RXYLT1: variants seen among roughly 807,000 people sequenced by gnomAD.
The protein encoded by RXYLT1 is ribitol xylosyltransferase 1, also known as ribitol-5-phosphate xylosyltransferase 1.
RXYLT1 carries 41 observed loss-of-function variants against 43.5 expected under a neutral mutation model. The observed-to-expected ratio is 0.94, with a 90% CI of 0.73 to 1.22. The LOEUF (loss-of-function observed/expected upper bound fraction) is 1.22, where lower values mean the gene tolerates loss of function less well. Among genes scored for constraint, RXYLT1 ranks in the 50% most tolerant of loss-of-function variants. The pLI is 0.00. For synonymous variants in RXYLT1, 166 were observed against 194.4 expected, an observed-to-expected ratio of 0.85 and a Z score of 1.21; for missense variants, 514 against 532.0, an observed-to-expected ratio of 0.97 and a Z score of 0.33.
At chr12:63,792,998 C>T (rs1897951702) in intron 3 of RXYLT1, among the ~76,000 whole-genome samples, 1 of 152,192 alleles carries the variant, frequency 6.6e-6, no homozygotes, top group South Asian at 2.1e-4. Context: ...CCTCTAACTC[C>T]TGGGCTCAAG....
intron 3 of RXYLT1, among the ~76,000 whole-genome samples, chr12:63,789,555 CTG>C (rs1372514624): frequency 1.3e-5 from 2 of 152,124 alleles, no homozygotes; most frequent in African/African-American, 4.8e-5. Context: ...AATTGCTTGA[CTG>C]GGGATCACCA....
intron 2 of RXYLT1, chr12:63,782,678 C>T: frequency 2.2e-6 from 1 of 454,676 alleles, no homozygotes; most frequent in South Asian, 1.6e-5. Context: ...CCATTTCTGG[C>T]TTCTGCTGAG....
chr12:63,791,650 C>G (rs1897921593), intron 3 of RXYLT1, among the ~76,000 whole-genome samples: 1 of 152,106 alleles, frequency 6.6e-6, no homozygotes, highest in Admixed American at 6.5e-5. Context: ...TAAACAAAGA[C>G]AAAACAGTAT....
chr12:63,808,880 C>A lies in RXYLT1; in HGVS notation c.1120C>A (p.Gln374Lys). 1 of 1,614,154 alleles carries A rather than the reference C, an allele frequency of 6.2e-7. No individual in the cohort carries two copies. The highest frequency in any genetic ancestry group is 8.5e-7 in the Non-Finnish European group (1 of 1,180,038). Residue 374 changes from glutamine (Q) to lysine (K), a missense_variant, in exon 6 of 6, where the codon CAG (glutamine) becomes AAG (lysine). By Grantham distance (53) the Gln-to-Lys change is moderately conservative. Coordinates refer to ENST00000261234, the MANE Select transcript of RXYLT1 (RefSeq NM_014254.3). ...NTSVHHGAPL[Q>K]LLKSMGAPFI... ...ATCTGTGCACCACGGTGCTCCTCTG[C>A]AGTTACTCAAGTCCATGGGTGCTCC...
intron 5 of RXYLT1, chr12:63,807,410 C>T (rs958721882): frequency 2.0e-5 from 3 of 152,182 alleles, no homozygotes; most frequent in Admixed American, 2.0e-4. Flanking sequence ...CCTCAGGTGC[C>T]CAGCAGTCTT....
At chr12:63,808,555 A>G (rs1424139198) in intron 5 of RXYLT1, 120 bp from the exon 6 acceptor site, 2 of 1,116,682 alleles carry the variant, frequency 1.8e-6, no homozygotes, top group East Asian at 2.6e-5. Flanking sequence ...TCTTATGCCT[A>G]TCATCTCTAT....
chr12:63,808,612 T>A lies in RXYLT1; in HGVS notation c.915-63T>A. On this transcript the variant is annotated intron_variant, in intron 5 of 5. Transcript: ENST00000261234. Reference sequence around the variant, plus strand: ...ACTGATTTTATTAAAAGATAAGGTATTTTTGTTCACAAACTATATACTTAG... The same window carrying A: ...ACTGATTTTATTAAAAGATAAGGTAATTTTGTTCACAAACTATATACTTAG... 8 of 1,530,788 alleles carry A rather than the reference T, an allele frequency of 5.2e-6. No individual in the cohort carries two copies. In the South Asian group the frequency reaches 1.0e-4, roughly 19 times the overall value. 94.8% of individuals were successfully genotyped at this position (1,530,788 alleles called of 1,614,324 possible).
chr12:63,799,302 C>CTTTTTTTTTTTTTTTTTTTTTT (rs11312130), intron 3 of RXYLT1, among the ~76,000 whole-genome samples: 14 of 71,616 alleles, frequency 2.0e-4, no homozygotes, highest in Admixed American at 3.4e-4. Flanking sequence ...CTTTTCTTTT[C>CTTTTTTTTTTTTTTTTTTTTTT]TTTTTTTTTT....
intron 3 of RXYLT1, among the ~76,000 whole-genome samples, chr12:63,792,528 A>C (rs1429033662): frequency 2.0e-5 from 3 of 152,246 alleles, no homozygotes; most frequent in Non-Finnish European, 4.4e-5. Flanking sequence ...AGCCTGGCAG[A>C]GTAAACACTG....
Position 63,805,417 on chromosome 12 carries a change from C to T in RXYLT1, c.914+13C>T. 6.4e-7 allele frequency: 1 copy of T among 1,557,882 alleles called. No individual in the cohort carries two copies. The highest frequency in any genetic ancestry group is 8.6e-7 in the Non-Finnish European group (1 of 1,156,240). On this transcript the variant is annotated intron_variant, in intron 5 of 5. Coordinates refer to ENST00000261234, the MANE Select transcript of RXYLT1 (RefSeq NM_014254.3). ...CAGCAAGAGAACAGTAAGTTCTATG[C>T]TTATTTAATTCATTCATTTTGTTCT...
At chr12:63,793,553 C>T (rs572743039) in intron 3 of RXYLT1, among the ~76,000 whole-genome samples, 3 of 152,116 alleles carry the variant, frequency 2.0e-5, no homozygotes, top group Admixed American at 6.5e-5. Flanking sequence ...CTTTTTCTCC[C>T]CTAAATTAAT....
At chr12:63,791,775 T>G (rs987841951) in intron 3 of RXYLT1, among the ~76,000 whole-genome samples, 1 of 152,246 alleles carries the variant, frequency 6.6e-6, no homozygotes, top group Non-Finnish European at 1.5e-5. Context: ...TCTATACACT[T>G]AATAACTTTT....
chr12:63,800,900 AAC>A (rs1047207376), intron 3 of RXYLT1, among the ~76,000 whole-genome samples: 8 of 151,896 alleles, frequency 5.3e-5, no homozygotes, highest in Admixed American at 3.9e-4. Flanking sequence ...CAGCCTGAGC[AAC>A]AGACTGAGAC....
intron 3 of RXYLT1, among the ~76,000 whole-genome samples, chr12:63,801,490 C>A (rs1898157931): frequency 6.6e-6 from 1 of 152,048 alleles, no homozygotes; most frequent in Admixed American, 6.6e-5. Context: ...AGTTTAAATT[C>A]TAGCCAGCAT....
At chr12:63,792,089 T>G (rs1179826963) in intron 3 of RXYLT1, among the ~76,000 whole-genome samples, 1 of 152,240 alleles carries the variant, frequency 6.6e-6, no homozygotes, top group African/African-American at 2.4e-5. Context: ...CACTCTTGAC[T>G]AAGGGACTAT....
intron 3 of RXYLT1, among the ~76,000 whole-genome samples, chr12:63,794,622 G>A (rs1332427928): frequency 6.6e-6 from 1 of 151,986 alleles, no homozygotes; most frequent in African/African-American, 2.4e-5. Flanking sequence ...ATTAATTTAT[G>A]TACTGCTTGG....
chr12:63,805,249 T>C lies in RXYLT1; in HGVS notation c.759T>C (p.Pro253=). The C allele has an allele frequency of 6.3e-7, 1 of 1,596,680 alleles. No homozygotes were observed. Among genetic ancestry groups the C allele is most frequent in the Non-Finnish European group, 8.5e-7 (1 of 1,175,142 alleles). Reference sequence around the variant, plus strand: ...ATTTTTATAGATACAGGAATTTTCCTGTGGTGGAGGCAAGTTGGTCAATGC... The same window carrying C: ...ATTTTTATAGATACAGGAATTTTCCCGTGGTGGAGGCAAGTTGGTCAATGC... The part of the protein sequence containing the change: ...PLGVATYRNF[P]VVEASWSMLH... Residue 253 remains proline, a synonymous_variant, in exon 5 of 6, where the codon CCT becomes CCC. Transcript: ENST00000261234.
In RXYLT1 at chr12:63,805,314, C is replaced by T. The variant is rs771003064; in HGVS notation, c.824C>T (p.Thr275Met). 1.9e-6 allele frequency: 3 copies of T among 1,612,878 alleles called. No individual in the cohort carries two copies. Among genetic ancestry groups the T allele is most frequent in the African/African-American group, 1.3e-5 (1 of 74,942 alleles). ...CCATATTTATGTAATTTCTTAGGAA[C>T]GATTTATGAAAATTCATCCAGACAG... ...ERPYLCNFLG[T>M]IYENSSRQAL... Residue 275 changes from threonine (T) to methionine (M), a missense_variant, in exon 5 of 6, where the codon ACG (threonine) becomes ATG (methionine). Thr to Met is a moderately conservative substitution (Grantham distance 81). Coordinates refer to ENST00000261234, the MANE Select transcript of RXYLT1 (RefSeq NM_014254.3).
intron 2 of RXYLT1, among the ~76,000 whole-genome samples, chr12:63,784,009 G>C (rs1368306893): frequency 6.6e-6 from 1 of 151,854 alleles, no homozygotes; most frequent in East Asian, 1.9e-4. Context: ...TGCCTCCCTT[G>C]TGTGAGGACT....
Sources: gnomAD v4.1 joint callset for allele counts (sites outside exome capture counted in the v4.1 genomes callset) on GRCh38, gnomAD v4.1.1 for gene constraint, MANE v1.5 for transcripts, NCBI Gene and HGNC (gene_info 2026-07-23, HGNC 2026-07-21) for gene names.